Variants in ASMTL observed in about 807,000 individuals in gnomAD.
ASMTL encodes the protein acetylserotonin O-methyltransferase like, also known as probable bifunctional dTTP/UTP pyrophosphatase/methyltransferase protein.
A neutral mutation model predicts 60.3 loss-of-function variants in ASMTL; 57 were observed. The ratio of observed to expected loss-of-function variants is 0.95; its 90% CI spans 0.76 to 1.18. ASMTL has a LOEUF of 1.18. Among genes scored for constraint, ASMTL ranks in the 50% most tolerant of loss-of-function variants. The probability of loss-of-function intolerance (pLI) is 0.00; values close to 1 mark genes in which losing one functional copy is unlikely to be tolerated. For missense variants in ASMTL, 981 were observed against 852.6 expected, an observed-to-expected ratio of 1.15 and a Z score of -1.88; for synonymous variants, 419 against 373.0, an observed-to-expected ratio of 1.12 and a Z score of -1.42.
intron 11 of ASMTL, among the ~76,000 whole-genome samples, chrX:1,416,707 T>G (rs1231615326): frequency 6.7e-6 from 1 of 148,824 alleles, no homozygotes; most frequent in African/African-American, 2.5e-5. Context: ...GACACATTCT[T>G]ACGCACGCAC....
At chrX:1,435,578 G>T in intron 4 of ASMTL, 116 bp downstream of exon 4, 1 of 979,268 alleles carries the variant, frequency 1.0e-6, no homozygotes, top group Non-Finnish European at 1.6e-6. Flanking sequence ...AGACAGCACA[G>T]CTCAGACGGC....
chrX:1,431,306 A>G (rs1190195014), intron 6 of ASMTL, among the ~76,000 whole-genome samples: 1 of 131,748 alleles, frequency 7.6e-6, no homozygotes, highest in South Asian at 2.3e-4. Flanking sequence ...TAAAATATAT[A>G]AAATTATATA....
intron 11 of ASMTL, among the ~76,000 whole-genome samples, chrX:1,416,000 G>C (rs4275399): frequency 0.95 from 144,456 of 151,664 alleles, 69,039 homozygotes; most frequent in East Asian, 1. Flanking sequence ...CACAGATACA[G>C]CAAGACAGGC....
chrX:1,410,830 C>T (rs1363311773), intron 12 of ASMTL, among the ~76,000 whole-genome samples: 9 of 151,758 alleles, frequency 5.9e-5, no homozygotes, highest in Non-Finnish European at 8.8e-5. Flanking sequence ...GTCAAGGCTG[C>T]AGTGACCTGT....
intron 11 of ASMTL, among the ~76,000 whole-genome samples, chrX:1,414,787 G>A (rs2090170317): frequency 6.6e-6 from 1 of 152,102 alleles, no homozygotes; most frequent in Admixed American, 6.6e-5. Flanking sequence ...CCTGCAGGAG[G>A]AGCTGTAGGG....
At chrX:1,404,237 AG>A (rs1446239280) in intron 12 of ASMTL, among the ~76,000 whole-genome samples, 1 of 150,342 alleles carries the variant, frequency 6.7e-6, no homozygotes, top group East Asian at 2.0e-4. Context: ...ATGGGTAGGT[AG>A]GTAGATGAAT....
At chrX:1,429,386 T>C (rs1298211022) in intron 6 of ASMTL, among the ~76,000 whole-genome samples, 1 of 151,900 alleles carries the variant, frequency 6.6e-6, no homozygotes, top group East Asian at 1.9e-4. Flanking sequence ...TTTATAAAGA[T>C]GGGGTTTCAC....
chrX:1,447,413 GCCATCTTGGATAAGCACCA>G (rs1401992849), intron 1 of ASMTL, among the ~76,000 whole-genome samples: 4 of 145,828 alleles, frequency 2.7e-5, no homozygotes, highest in African/African-American at 5.1e-5. Context: ...GACACACACT[GCCATCTTGGATAAGCACCA>G]CCATCTTGGA....
rs1181202003 is a variant in ASMTL at position 1,412,721 on chromosome X, T to C, written c.1645+11A>G. ...TTAACAAAAACAGCTAACCTGACGA[T>C]GGGCTCTCACCTGGCTTGCAGCTCT... On this transcript the variant is annotated intron_variant, in intron 12 of 12. Coordinates refer to ENST00000381317, the MANE Select transcript of ASMTL (RefSeq NM_004192.4). The C allele has an allele frequency of 5.6e-6, 9 of 1,613,854 alleles. No homozygotes were observed. The African/African-American group carries it at 6.7e-5, about 12-fold the overall frequency.
intron 12 of ASMTL, among the ~76,000 whole-genome samples, chrX:1,411,029 T>TA (rs2089997929): frequency 6.7e-6 from 1 of 149,342 alleles, no homozygotes. Flanking sequence ...CTATTAAAAA[T>TA]AAAAAATTAG....
chrX:1,435,381 A>G, intron 4 of ASMTL: 1 of 605,284 alleles, frequency 1.7e-6, no homozygotes, highest in Non-Finnish European at 2.9e-6. Context: ...GATGGGGATG[A>G]CGTCCCAGGC....
At chrX:1,431,725 TATC>T (rs2090795197) in intron 6 of ASMTL, among the ~76,000 whole-genome samples, 1 of 149,642 alleles carries the variant, frequency 6.7e-6, no homozygotes, top group African/African-American at 2.4e-5. Context: ...TGTAAATATA[TATC>T]ATGTTACATT....
Position 1,403,282 on chromosome X carries a change from T to C in ASMTL, c.1853A>G (p.Lys618Arg), listed in dbSNP as rs1280653048. The C allele has an allele frequency of 6.2e-7, 1 of 1,612,662 alleles. No individual in the cohort carries two copies. Among genetic ancestry groups the C allele is most frequent in the Non-Finnish European group, 8.5e-7 (1 of 1,179,704 alleles). Residue 618 changes from lysine to arginine, a missense_variant, in exon 13 of 13, where the codon AAA (lysine) becomes AGA (arginine). Physicochemically the swap from Lys to Arg is conservative, Grantham distance 26. Transcript: ENST00000381317. ...GGVLDAILAT[K>R]VAP ...GCTGCCTGGGCTTCAGGGGGCCACT[T>C]TGGTGGCCAAGATGGCATCCAGGAC...
intron 5 of ASMTL, 104 bp from the exon 6 acceptor site, chrX:1,432,481 G>A (rs1185922962): frequency 2.7e-5 from 22 of 810,586 alleles, no homozygotes; most frequent in Non-Finnish European, 4.5e-5. Context: ...CGAGCGCAGC[G>A]CACAGTTCAG....
At chrX:1,438,292 A>G (rs1485296818) in intron 3 of ASMTL, among the ~76,000 whole-genome samples, 2 of 152,142 alleles carry the variant, frequency 1.3e-5, no homozygotes, top group African/African-American at 2.4e-5. Flanking sequence ...CAAAAAAAAA[A>G]AAGAAGAGGG....
chrX:1,430,196 G>A (rs1321360093), intron 6 of ASMTL, among the ~76,000 whole-genome samples: 7 of 152,006 alleles, frequency 4.6e-5, no homozygotes, highest in Non-Finnish European at 1.0e-4. Flanking sequence ...TGTATTTTTA[G>A]TAGAGATTGG....
intron 2 of ASMTL, among the ~76,000 whole-genome samples, chrX:1,440,427 G>A (rs1281077014): frequency 1.3e-5 from 2 of 152,262 alleles, no homozygotes; most frequent in East Asian, 1.9e-4. Context: ...ATGGTATATT[G>A]TGTGGTAACA....
chrX:1,428,485 T>C (rs2090676595), intron 6 of ASMTL, among the ~76,000 whole-genome samples: 1 of 150,974 alleles, frequency 6.6e-6, no homozygotes, highest in African/African-American at 2.4e-5. Flanking sequence ...CTACTAAAAA[T>C]ACAAAAATTA....
In ASMTL at chrX:1,403,443, CCTCTT is replaced by C. The variant is rs773858742; in HGVS notation, c.1687_1691del (p.Lys563GlyfsTer17). The C allele has an allele frequency of 6.2e-6, 10 of 1,613,122 alleles. No individual in the cohort carries two copies. The Admixed American group carries it at 1.7e-4, about 27-fold the overall frequency. ...ACTGCATCAGGGCGCGCTGCGCCAC[CCTCTT>C]CTCCTCATCCAGGAGCGTCTCCACC... On this transcript the variant is annotated frameshift_variant, in exon 13 of 13. Coordinates refer to ENST00000381317, the MANE Select transcript of ASMTL (RefSeq NM_004192.4). LOFTEE classifies it low-confidence loss of function (END_TRUNC).
Sources: gnomAD v4.1 joint callset for allele counts (sites outside exome capture counted in the v4.1 genomes callset) on GRCh38, gnomAD v4.1.1 for gene constraint, MANE v1.5 for transcripts, NCBI Gene and HGNC (gene_info 2026-07-23, HGNC 2026-07-21) for gene names.